The following ANKRD36C variants were observed in gnomAD, a reference collection of about 807,000 sequenced individuals.
ANKRD36C encodes the protein ankyrin repeat domain 36C.
In ANKRD36C, 61 loss-of-function variants were observed where a neutral mutation model predicts 276.4. The ratio of observed to expected loss-of-function variants is 0.22; its 90% CI spans 0.18 to 0.27. ANKRD36C has a LOEUF of 0.27. ANKRD36C is among the 10% of genes least tolerant of loss of function. The pLI is 1.00. For synonymous variants in ANKRD36C, 483 were observed against 680.1 expected (o/e 0.71, Z 4.51); for missense variants, 1,447 against 2,032.3 (o/e 0.71, Z 5.54).
At chr2:95,971,628 A>G (rs1678699767) in intron 6 of ANKRD36C, among the ~76,000 whole-genome samples, 1 of 152,136 alleles carries the variant, frequency 6.6e-6, no homozygotes, top group African/African-American at 2.4e-5. Context: ...ATAGTATATA[A>G]AAGTACATAA....
At chr2:95,979,523 C>T (rs999013806) in intron 5 of ANKRD36C, among the ~76,000 whole-genome samples, 3 of 151,934 alleles carry the variant, frequency 2.0e-5, no homozygotes, top group Non-Finnish European at 4.4e-5. Flanking sequence ...ATGCAAGCAG[C>T]TTGAGAGATC....
chr2:95,919,379 G>C (rs1324776618), intron 34 of ANKRD36C, among the ~76,000 whole-genome samples: 1 of 133,372 alleles, frequency 7.5e-6, no homozygotes, highest in Non-Finnish European at 1.7e-5. Context: ...TGTGACGTCT[G>C]TAAAATCTGT....
intron 4 of ANKRD36C, 48 bp from the exon 5 acceptor site, chr2:95,980,833 C>A (rs1292737867): frequency 1.3e-6 from 2 of 1,542,478 alleles, no homozygotes; most frequent in Non-Finnish European, 1.8e-6. Context: ...ATTTTAAAAG[C>A]TTAGTTTATA....
intron 6 of ANKRD36C, among the ~76,000 whole-genome samples, chr2:95,971,183 G>T (rs977538619): frequency 1.3e-5 from 2 of 152,070 alleles, no homozygotes. Flanking sequence ...GTTGACAGGG[G>T]TTAGTTGTGA....
exon 42 of ANKRD36C, chr2:95,912,275 T>G (rs762930941): frequency 9.6e-6 from 15 of 1,558,574 alleles, no homozygotes; most frequent in Non-Finnish European, 1.3e-5. Flanking sequence ...CCTTTTTTTC[T>G]CTGGTTATAT....
intron 20 of ANKRD36C, among the ~76,000 whole-genome samples, chr2:95,940,955 G>A (rs1196011680): frequency 6.8e-6 from 1 of 146,464 alleles, no homozygotes; most frequent in Non-Finnish European, 1.5e-5. Flanking sequence ...TTAAAATTAG[G>A]CTTATAATTT....
chr2:95,912,215 A>G (rs866555139), intron 42 of ANKRD36C, 29 bp downstream of exon 44: 8 of 1,542,920 alleles, frequency 5.2e-6, no homozygotes, highest in African/African-American at 4.1e-5. Context: ...TGGACTGCAC[A>G]TGACATTAAA....
chr2:95,916,256 C>T, intron 36 of ANKRD36C, 85 bp from the exon 39 acceptor site: 1 of 1,577,040 alleles, frequency 6.3e-7, no homozygotes, highest in African/African-American at 1.3e-5. Flanking sequence ...GCATCAACCT[C>T]TGAACTCCTG....
intron 16 of ANKRD36C, among the ~76,000 whole-genome samples, chr2:95,948,894 G>C (rs1375608942): frequency 6.6e-6 from 1 of 152,074 alleles, no homozygotes; most frequent in African/African-American, 2.4e-5. Flanking sequence ...GGCACAGCCA[G>C]ACAATAATTT....
At chr2:95,861,124 T>C (rs984561795) in intron 60 of ANKRD36C, among the ~76,000 whole-genome samples, 20 of 151,742 alleles carry the variant, frequency 1.3e-4, no homozygotes, top group Non-Finnish European at 2.6e-4. Context: ...AAAGCAAGAA[T>C]GGAAAGATTA....
intron 14 of ANKRD36C, 123 bp downstream of exon 14, chr2:95,953,816 T>C (rs1678260096): frequency 1.2e-6 from 1 of 836,606 alleles, no homozygotes. Context: ...TGGTTTTCTC[T>C]AATAAAAGTT....
intron 16 of ANKRD36C, 35 bp from the exon 17 acceptor site, chr2:95,948,631 G>T: frequency 6.5e-7 from 1 of 1,529,180 alleles, no homozygotes; most frequent in Non-Finnish European, 8.8e-7. Context: ...AAATGAGCAC[G>T]TTCATTTCTT....
Position 95,896,899 on chromosome 2 carries a change from G to A in ANKRD36C, c.2755+2246C>T, listed in dbSNP as rs1318847388. Among the ~76,000 whole-genome samples the A allele has an allele frequency of 5.6e-4, 83 of 148,960 alleles. 2 individuals are homozygous for A. Among genetic ancestry groups the A allele is most frequent in the Non-Finnish European group, 8.9e-4 (59 of 66,568 alleles). ...TACGGGTTGTTACAACAAGCTTTCTGTCTTTTCTTGGCAGTACGATCTGAA... is the reference window on the plus strand; with the variant it reads ...TACGGGTTGTTACAACAAGCTTTCTATCTTTTCTTGGCAGTACGATCTGAA... On this transcript the variant is annotated intron_variant, in intron 44 of 66. Transcript: ENST00000456556.
At position 95,927,349 on chromosome 2, in the gene ANKRD36C, A is replaced by C. The variant is rs374709506; in HGVS notation, c.1866+32T>G. ...GTAGGTTTCATAGACTATACAGTTA[A>C]TAGTTCAACATATAAATGAGTCTTT... On this transcript the variant is annotated intron_variant, in intron 27 of 66. Transcript: ENST00000456556. The C allele has an allele frequency of 8.8e-5, 141 of 1,607,078 alleles. 1 individual carries two copies. In the African/African-American group the frequency reaches 1.7e-3, roughly 19 times the overall value.
At chr2:95,852,025 C>A in intron 65 of ANKRD36C, 101 bp downstream of exon 85, 1 of 1,332,432 alleles carries the variant, frequency 7.5e-7, no homozygotes, top group East Asian at 2.5e-5. Flanking sequence ...TTTGGCTTCA[C>A]AAAGACATAC....
chr2:95,879,932 G>A (rs1354999666), intron 58 of ANKRD36C, among the ~76,000 whole-genome samples: 2 of 143,174 alleles, frequency 1.4e-5, no homozygotes, highest in African/African-American at 5.3e-5. Flanking sequence ...TGTAATCCCA[G>A]CACTTTGGGA....
chr2:95,891,558 T>C, intron 46 of ANKRD36C, 107 bp downstream of exon 66: 2 of 1,345,640 alleles, frequency 1.5e-6, no homozygotes, highest in Non-Finnish European at 2.0e-6. Context: ...TCAGGACTGC[T>C]GTATCAGAAT....
At chr2:95,944,362 A>G (rs908842416) in intron 19 of ANKRD36C, among the ~76,000 whole-genome samples, 1 of 152,162 alleles carries the variant, frequency 6.6e-6, no homozygotes, top group African/African-American at 2.4e-5. Flanking sequence ...ACAACCTTTT[A>G]GGAATCCTAG....
At position 95,876,515 on chromosome 2, in the gene ANKRD36C, A is replaced by T. The variant is rs769996218; in HGVS notation, c.3470-6T>A. On this transcript the variant is annotated splice_region_variant and splice_polypyrimidine_tract_variant and intron_variant, in intron 58 of 66. Transcript: ENST00000456556. ...TGCCATTTCTAAGTCTTGTTCTGCT[A>T]AAAAAAATTATATATTTAGTTAAAA... 3 of 1,608,758 alleles carry T rather than the reference A, an allele frequency of 1.9e-6. No individual in the cohort carries two copies. The highest frequency in any genetic ancestry group is 2.5e-6 in the Non-Finnish European group (3 of 1,177,746).
Sources: gnomAD v4.1 joint callset for allele counts (sites outside exome capture counted in the v4.1 genomes callset) on GRCh38, gnomAD v4.1.1 for gene constraint, MANE v1.5 for transcripts, NCBI Gene and HGNC (gene_info 2026-07-23, HGNC 2026-07-21) for gene names.